NUP160: variants seen among roughly 807,000 people sequenced by gnomAD.
NUP160 encodes nuclear pore complex protein Nup160.
Under a neutral mutation model 196.9 loss-of-function variants are expected in NUP160, and 94 were observed. The ratio of observed to expected loss-of-function variants is 0.48; its 90% CI spans 0.40 to 0.57. The LOEUF is 0.57. NUP160 is among the 20% of genes least tolerant of loss of function. The probability of loss-of-function intolerance (pLI) is 0.00; values close to 1 mark genes in which losing one functional copy is unlikely to be tolerated. For synonymous variants in NUP160, 605 were observed against 619.7 expected (o/e 0.98, Z 0.35); for missense variants, 1,638 against 1,748.3 (o/e 0.94, Z 1.13).
intron 34 of NUP160, 54 bp downstream of exon 34, chr11:47,783,019 T>C (rs1599301673): frequency 6.7e-7 from 1 of 1,488,820 alleles, no homozygotes; most frequent in East Asian, 2.3e-5. Flanking sequence ...ACTGTAAAGT[T>C]GAAAAATCGT....
intron 22 of NUP160, among the ~76,000 whole-genome samples, chr11:47,802,773 G>A (rs2097674989): frequency 6.6e-6 from 1 of 151,968 alleles, no homozygotes; most frequent in South Asian, 2.1e-4. Context: ...CCAGGAGTTC[G>A]TGACCAGCCT....
Position 47,806,313 on chromosome 11 carries a change from C to A in NUP160, c.2447-1G>T. The A allele has an allele frequency of 6.2e-7, 1 of 1,604,244 alleles. No homozygotes were observed. The highest frequency in any genetic ancestry group is 8.5e-7 in the Non-Finnish European group (1 of 1,174,540). On this transcript the variant is annotated splice_acceptor_variant, in intron 19 of 35. Coordinates refer to ENST00000378460, the Ensembl canonical transcript of NUP160. LOFTEE classifies it high-confidence loss of function. ...TCCACAATAGTCTGAGGACTAGATA[C>A]TTAAAAAGAAAAAGTTATGACAGTT...
intron 13 of NUP160, among the ~76,000 whole-genome samples, chr11:47,814,902 T>C (rs1401251926): frequency 1.3e-5 from 2 of 152,298 alleles, no homozygotes; most frequent in Middle Eastern, 3.4e-3. Flanking sequence ...GCTATTCTTG[T>C]AACTCTTACC....
At chr11:47,829,845 C>G (rs1182290141) in intron 7 of NUP160, among the ~76,000 whole-genome samples, 2 of 152,132 alleles carry the variant, frequency 1.3e-5, no homozygotes, top group African/African-American at 4.8e-5. Flanking sequence ...AAAGCAATCT[C>G]AACAAAAGCA....
At chr11:47,782,301 AAAATAT>A in intron 34 of NUP160, among the ~76,000 whole-genome samples, 1 of 44,972 alleles carries the variant, frequency 2.2e-5, no homozygotes, top group East Asian at 5.6e-4. Flanking sequence ...AAAAAAAAAA[AAAATAT>A]ATATATATAT....
intron 31 of NUP160, among the ~76,000 whole-genome samples, chr11:47,787,720 T>A (rs966792063): frequency 6.0e-5 from 9 of 150,020 alleles, no homozygotes; most frequent in Non-Finnish European, 1.2e-4. Flanking sequence ...GCCAAGAAAT[T>A]CTTCTTCTTT....
At chr11:47,813,388 A>T in exon 14 of NUP160, 1 of 1,612,114 alleles carries the variant, frequency 6.2e-7, no homozygotes, top group East Asian at 2.2e-5. Context: ...TCCACTAAGG[A>T]TGAGGGAATA....
chr11:47,801,734 C>A, intron 23 of NUP160, 77 bp downstream of exon 23: 1 of 1,323,848 alleles, frequency 7.6e-7, no homozygotes, highest in South Asian at 1.4e-5. Context: ...GTATTTTTCT[C>A]CAAAAATAGC....
At chr11:47,784,788 CCT>C (rs2097663548) in intron 33 of NUP160, 132 bp downstream of exon 33, 2 of 572,374 alleles carry the variant, frequency 3.5e-6, no homozygotes, top group African/African-American at 3.8e-5. Context: ...GCCATCCTCC[CCT>C]GTTGGCCTAC....
chr11:47,796,244 A>G (rs1305510053), intron 27 of NUP160: 1 of 607,592 alleles, frequency 1.6e-6, no homozygotes, highest in Non-Finnish European at 3.0e-6. Flanking sequence ...ATACGAGATT[A>G]CAGAGCACAG....
chr11:47,778,298 CA>C (rs1255258275), exon 36 of NUP160: 1 of 152,436 alleles, frequency 6.6e-6, no homozygotes, highest in East Asian at 1.9e-4. Context: ...TTCACTTTCC[CA>C]AAACTTGTGA....
At chr11:47,804,358 A>G (rs1273270368) in intron 21 of NUP160, 191 bp downstream of exon 21, 5 of 518,446 alleles carry the variant, frequency 9.6e-6, no homozygotes, top group African/African-American at 2.0e-5. Flanking sequence ...TTAGCTTCGT[A>G]GATCAGACAA....
chr11:47,815,567 G>T (rs1343610964), exon 13 of NUP160: 2 of 1,613,234 alleles, frequency 1.2e-6, no homozygotes, highest in South Asian at 2.2e-5. Context: ...AAGACAACAG[G>T]CATAGAACTT....
chr11:47,806,788 TATACACACACACAC>T (rs750501163), intron 19 of NUP160, among the ~76,000 whole-genome samples: 2,885 of 106,442 alleles, frequency 0.027, 65 homozygotes, highest in Middle Eastern at 0.061. Flanking sequence ...GGAAAGCAGC[TATACACACACACAC>T]ACACACACAC....
exon 31 of NUP160, chr11:47,788,291 C>G (rs2097665847): frequency 1.2e-6 from 2 of 1,614,136 alleles, no homozygotes; most frequent in Non-Finnish European, 1.7e-6. Flanking sequence ...ACCATTTCCT[C>G]TGCTGATGAA....
chr11:47,780,840 T>G lies in NUP160; in HGVS notation c.4117-393A>C, dbSNP rs2097660333. ...GTGCCCGGCAAAATAAAATGCATTT[T>G]TTCCCCCAACCACAAGAAACTGTGT... On this transcript the variant is annotated intron_variant, in intron 34 of 35. Coordinates refer to ENST00000378460, the Ensembl canonical transcript of NUP160. 2.0e-5 allele frequency among the ~76,000 whole-genome samples: 3 copies of G among 152,266 alleles called. No homozygotes were observed. In the South Asian group the frequency reaches 6.2e-4, roughly 32 times the overall value.
chr11:47,847,925 G>A, exon 2 of NUP160: 2 of 1,614,114 alleles, frequency 1.2e-6, no homozygotes, highest in Non-Finnish European at 1.7e-6. Context: ...CGCTTTCACT[G>A]TATTTTACGG....
intron 20 of NUP160, 28 bp downstream of exon 20, chr11:47,806,125 T>C: frequency 6.2e-7 from 1 of 1,610,534 alleles, no homozygotes; most frequent in Non-Finnish European, 8.5e-7. Flanking sequence ...GAAGAGAGCT[T>C]TTCACTGGCT....
intron 27 of NUP160, chr11:47,796,390 T>A: frequency 2.1e-6 from 1 of 484,496 alleles, no homozygotes; most frequent in Non-Finnish European, 3.7e-6. Context: ...TCTAAATGTC[T>A]TAAGAAGAAC....
Sources: allele counts gnomAD v4.1 joint callset (sites outside exome capture counted in the v4.1 genomes callset), GRCh38; gene constraint gnomAD v4.1.1; transcripts MANE v1.5; gene names NCBI Gene and HGNC (gene_info 2026-07-23, HGNC 2026-07-21).